TESC: variants seen among roughly 807,000 people sequenced by gnomAD.
TESC encodes the protein tescalcin.
Under a neutral mutation model 31.0 loss-of-function variants are expected in TESC, and 19 were observed. That is an observed-to-expected ratio of 0.61 (90% CI 0.43 to 0.90). TESC has a LOEUF of 0.90. TESC is among the 40% of genes least tolerant of loss of function. TESC has a pLI of 0.00. For missense variants in TESC, 248 were observed against 303.8 expected (o/e 0.82, Z 1.36); for synonymous variants, 109 against 114.8 (o/e 0.95, Z 0.32).
At chr12:117,098,990 G>C (rs1955434639) in intron 1 of TESC, among the ~76,000 whole-genome samples, 1 of 152,146 alleles carries the variant, frequency 6.6e-6, no homozygotes, top group Non-Finnish European at 1.5e-5. Context: ...CGGCCAGGGA[G>C]TTCCCGGGCC....
At chr12:117,057,960 C>T (rs944694930) in intron 2 of TESC, among the ~76,000 whole-genome samples, 1 of 152,272 alleles carries the variant, frequency 6.6e-6, no homozygotes, top group South Asian at 2.1e-4. Context: ...TAGCTCACAC[C>T]TGTAATCCCA....
intron 5 of TESC, 32 bp from the exon 6 acceptor site, chr12:117,046,698 T>C (rs1259390281): frequency 4.5e-6 from 7 of 1,552,084 alleles, no homozygotes; most frequent in African/African-American, 1.4e-5. Flanking sequence ...AACGGTGACC[T>C]TGGGCCTCCA....
intron 1 of TESC, among the ~76,000 whole-genome samples, chr12:117,096,601 C>T (rs926861025): frequency 5.9e-5 from 9 of 152,118 alleles, no homozygotes; most frequent in Admixed American, 6.5e-5. Context: ...AAACCATGTA[C>T]ATGTGTTTGG....
At chr12:117,090,281 T>C (rs1445882045) in intron 1 of TESC, among the ~76,000 whole-genome samples, 2 of 152,240 alleles carry the variant, frequency 1.3e-5, no homozygotes, top group Non-Finnish European at 2.9e-5. Context: ...TATGGAGTGA[T>C]ACAAATTAAA....
intron 2 of TESC, among the ~76,000 whole-genome samples, chr12:117,068,796 C>T (rs1236115134): frequency 1.3e-5 from 2 of 152,164 alleles, no homozygotes; most frequent in African/African-American, 4.8e-5. Context: ...CTCCTAATGG[C>T]CTGCACCACT....
At chr12:117,062,447 C>T (rs1236631578) in intron 2 of TESC, among the ~76,000 whole-genome samples, 7 of 152,174 alleles carry the variant, frequency 4.6e-5, no homozygotes, top group African/African-American at 1.7e-4. Context: ...GTCTCGAACT[C>T]GTGACCTCAG....
At chr12:117,091,180 C>T (rs1008507810) in intron 1 of TESC, among the ~76,000 whole-genome samples, 5 of 152,216 alleles carry the variant, frequency 3.3e-5, no homozygotes, top group African/African-American at 1.2e-4. Context: ...TAAGCTGGAG[C>T]AGGCAACAGG....
chr12:117,087,159 A>C (rs1023696598), intron 1 of TESC, among the ~76,000 whole-genome samples: 3 of 152,214 alleles, frequency 2.0e-5, no homozygotes, highest in African/African-American at 4.8e-5. Context: ...TATACACCAT[A>C]GATCACTCTT....
At chr12:117,096,563 C>G (rs571991107) in intron 1 of TESC, among the ~76,000 whole-genome samples, 1 of 146,750 alleles carries the variant, frequency 6.8e-6, no homozygotes, top group East Asian at 2.0e-4. Flanking sequence ...CCAGGACATA[C>G]AAGAGTGTTT....
intron 1 of TESC, among the ~76,000 whole-genome samples, chr12:117,080,217 C>T (rs1236010817): frequency 6.6e-6 from 1 of 152,122 alleles, no homozygotes; most frequent in Admixed American, 6.5e-5. Context: ...ACCTGTAATC[C>T]AGCACTTCGG....
intron 2 of TESC, among the ~76,000 whole-genome samples, chr12:117,068,933 G>C (rs1353886075): frequency 6.6e-6 from 1 of 152,138 alleles, no homozygotes; most frequent in Non-Finnish European, 1.5e-5. Context: ...AAGAAAAAGT[G>C]CAAGAAGCTA....
chr12:117,072,047 T>C (rs935510314), intron 2 of TESC, among the ~76,000 whole-genome samples: 10 of 152,116 alleles, frequency 6.6e-5, no homozygotes, highest in African/African-American at 1.9e-4. Context: ...GTACGTCCCA[T>C]TGTAAGCTTA....
intron 2 of TESC, among the ~76,000 whole-genome samples, chr12:117,074,998 T>C (rs575021454): frequency 1.2e-4 from 19 of 152,064 alleles, no homozygotes; most frequent in African/African-American, 4.3e-4. Context: ...TACAAAACAT[T>C]AGCCGAGCAT....
intron 7 of TESC, 93 bp from the exon 8 acceptor site, chr12:117,039,303 C>A: frequency 8.4e-7 from 1 of 1,187,496 alleles, no homozygotes; most frequent in South Asian, 1.3e-5. Context: ...CACCTACCGT[C>A]TCCTGCCACC....
At position 117,092,512 on chromosome 12, in the gene TESC, C is replaced by T. The variant is rs369348548; in HGVS notation, c.58+6713G>A. Among the ~76,000 whole-genome samples the T allele has an allele frequency of 4.5e-4, 69 of 152,224 alleles. 1 individual carries two copies. The highest frequency in any genetic ancestry group is 1.5e-3 in the African/African-American group (63 of 41,458). ...CAGGGGAGGCCTGGAAGCCCCCATC[C>T]AGTCAAGGCAGAAAGGGTTCCAGAG... On this transcript the variant is annotated intron_variant, in intron 1 of 7. Transcript: ENST00000335209.
intron 1 of TESC, among the ~76,000 whole-genome samples, chr12:117,080,197 G>C (rs1033420984): frequency 6.6e-6 from 1 of 152,124 alleles, no homozygotes; most frequent in South Asian, 2.1e-4. Flanking sequence ...GGCTGGGTGC[G>C]GTGGCTCACA....
At chr12:117,075,883 A>ATATATATATATATGTGTG (rs1955053469) in intron 1 of TESC, among the ~76,000 whole-genome samples, 73 of 25,878 alleles carry the variant, frequency 2.8e-3, no homozygotes, top group Non-Finnish European at 3.3e-3. Context: ...GTGTATATAT[A>ATATATATATATATGTGTG]TATATATATA....
At chr12:117,082,323 G>T (rs1030020503) in intron 1 of TESC, among the ~76,000 whole-genome samples, 11 of 152,092 alleles carry the variant, frequency 7.2e-5, no homozygotes, top group African/African-American at 2.7e-4. Context: ...GGCCAATGTG[G>T]TAAAACCCCA....
intron 1 of TESC, among the ~76,000 whole-genome samples, chr12:117,096,520 C>A (rs1955398359): frequency 6.6e-6 from 1 of 151,958 alleles, no homozygotes; most frequent in Non-Finnish European, 1.5e-5. Flanking sequence ...GAGGTGGGAC[C>A]AAGACTCAAC....
Sources: gnomAD v4.1 joint callset for allele counts (sites outside exome capture counted in the v4.1 genomes callset) on GRCh38, gnomAD v4.1.1 for gene constraint, MANE v1.5 for transcripts, NCBI Gene and HGNC (gene_info 2026-07-23, HGNC 2026-07-21) for gene names.